The following SOD2 variants were observed in gnomAD, a reference collection of about 807,000 sequenced individuals.
The protein encoded by SOD2 is superoxide dismutase 2.
A neutral mutation model predicts 27.0 loss-of-function variants in SOD2; 11 were observed. That is an observed-to-expected ratio of 0.41 (90% CI 0.26 to 0.67). The LOEUF (loss-of-function observed/expected upper bound fraction) is 0.67. SOD2 is among the 30% of genes least tolerant of loss of function. The pLI is 0.34. For missense variants in SOD2, 250 were observed against 274.5 expected (o/e 0.91, Z 0.63); for synonymous variants, 105 against 103.0 (o/e 1.02, Z -0.12).
chr6:159,705,941 G>A (rs1192704406), intron 1 of SOD2, among the ~76,000 whole-genome samples: 1 of 152,226 alleles, frequency 6.6e-6, no homozygotes, highest in African/African-American at 2.4e-5. Context: ...CTACAAGCCA[G>A]AAGAGAGTGG....
chr6:159,688,877 GCA>G (rs1432048010), intron 2 of SOD2, among the ~76,000 whole-genome samples: 1 of 152,008 alleles, frequency 6.6e-6, no homozygotes, highest in Non-Finnish European at 1.5e-5. Flanking sequence ...CTATATAAAA[GCA>G]CACAGAGAAA....
chr6:159,710,950 AC>A (rs879047099), intron 1 of SOD2, among the ~76,000 whole-genome samples: 2,509 of 116,882 alleles, frequency 0.021, 34 homozygotes, highest in Non-Finnish European at 0.033. Context: ...ACCACCACTC[AC>A]ACTGCTCTGA....
upstream of SOD2, among the ~76,000 whole-genome samples, chr6:159,747,962 A>G (rs1052904707): frequency 6.6e-6 from 1 of 152,188 alleles, no homozygotes. Flanking sequence ...ATGTTTCAAT[A>G]CATATAATGT....
upstream of SOD2, among the ~76,000 whole-genome samples, chr6:159,729,445 T>C (rs965506158): frequency 1.3e-5 from 2 of 152,234 alleles, no homozygotes; most frequent in Non-Finnish European, 2.9e-5. Flanking sequence ...TAACAAGATG[T>C]TCCATCTGAC....
At chr6:159,707,352 C>CAA (rs1172735999) in intron 1 of SOD2, among the ~76,000 whole-genome samples, 2 of 150,462 alleles carry the variant, frequency 1.3e-5, no homozygotes, top group East Asian at 2.0e-4. Flanking sequence ...GGAAAGATCA[C>CAA]AATTGATAGA....
intron 1 of SOD2, chr6:159,760,751 T>C (rs1416933992): frequency 6.6e-6 from 1 of 151,982 alleles, no homozygotes; most frequent in East Asian, 1.9e-4. Context: ...GATGTGAGAG[T>C]AAGCCCACAA....
chr6:159,719,374 T>C (rs1777984946), intron 1 of SOD2, among the ~76,000 whole-genome samples: 1 of 152,036 alleles, frequency 6.6e-6, no homozygotes, highest in Non-Finnish European at 1.5e-5. Context: ...TCTCTACTCA[T>C]GTCTCTAGCT....
chr6:159,754,182 TAA>T (rs1382010365), intron 1 of SOD2, among the ~76,000 whole-genome samples: 1 of 152,252 alleles, frequency 6.6e-6, no homozygotes, highest in Non-Finnish European at 1.5e-5. Flanking sequence ...TTTGAAATTT[TAA>T]ATTGAAAATT....
intron 1 of SOD2, chr6:159,736,111 CTA>C (rs1488003646): frequency 2.4e-6 from 2 of 842,000 alleles, no homozygotes; most frequent in South Asian, 4.0e-5. Flanking sequence ...AAATCTAAAA[CTA>C]TTTTAAAATT....
intron 1 of SOD2, chr6:159,742,250 T>G (rs916688727): frequency 2.0e-6 from 2 of 1,014,038 alleles, no homozygotes; most frequent in African/African-American, 3.3e-5. Flanking sequence ...TTTTCTCGTG[T>G]TTTATTATAA....
At position 159,753,690 on chromosome 6, in the gene SOD2, A is replaced by G. The variant is rs1003535513; in HGVS notation, c.-335-5014T>C. On this transcript the variant is annotated intron_variant, in intron 1 of 7. Coordinates refer to the SOD2 transcript ENST00000546087. ...TTTAAAACTGCCAGTCATGAATATT[A>G]TAGGTTAGATTCTGTACATTGTTAA... is the stretch of plus-strand genomic sequence containing the variant. 3 of 1,502,322 alleles carry G rather than the reference A, an allele frequency of 2.0e-6. No individual in the cohort carries two copies. In the Admixed American group the frequency reaches 6.3e-5, roughly 32 times the overall value. The allele number at this position is 1,502,322 out of a possible 1,614,324, so 93.1% of individuals were successfully genotyped here.
chr6:159,685,129 AG>A, intron 3 of SOD2, 96 bp from the exon 4 acceptor site: 2 of 772,634 alleles, frequency 2.6e-6, no homozygotes, highest in Non-Finnish European at 3.6e-6. Context: ...TTTTTGTCAT[AG>A]GGCCCAAGAA....
At chr6:159,716,095 A>G (rs779545650) in intron 1 of SOD2, among the ~76,000 whole-genome samples, 3 of 152,356 alleles carry the variant, frequency 2.0e-5, no homozygotes, top group South Asian at 4.1e-4. Flanking sequence ...AAAGTGTCAC[A>G]GAAAAACCTA....
At chr6:159,748,521 G>A (rs1583102352), upstream of SOD2, 1 of 1,423,500 alleles carries the variant, frequency 7.0e-7, no homozygotes. This position sits in a 1 kb window ranked among gnomAD's most constrained non-coding sequence, Gnocchi z 5.6. Context: ...GCTTGTAATG[G>A]TTAATGTAAA....
At chr6:159,727,190 G>C in exon 1 of SOD2, 1 of 1,229,292 alleles carries the variant, frequency 8.1e-7, no homozygotes, top group South Asian at 1.4e-5. Context: ...AGGACGGGGA[G>C]TGTTACCGGG....
intron 1 of SOD2, among the ~76,000 whole-genome samples, chr6:159,759,913 T>A (rs1780088645): frequency 6.6e-6 from 1 of 152,220 alleles, no homozygotes; most frequent in South Asian, 2.1e-4. Flanking sequence ...TTCATACTCA[T>A]TCAAATGTGC....
In SOD2 at chr6:159,670,100, T is replaced by C. The variant is rs1300959442; in HGVS notation, c.*12393A>G. ...ACAGCTCACTGTAGACTCCAACTCATGACCTCAAGGGATCCTCCCAACTCA... is the reference window on the plus strand; with the variant it reads ...ACAGCTCACTGTAGACTCCAACTCACGACCTCAAGGGATCCTCCCAACTCA... On this transcript the variant is annotated 3_prime_UTR_variant, in exon 5 of 5. Coordinates refer to ENST00000538183, the MANE Select transcript of SOD2 (RefSeq NM_000636.4). 2 of 152,206 alleles carry C rather than the reference T, an allele frequency of 1.3e-5. No individual in the cohort carries two copies. The highest frequency in any genetic ancestry group is 4.8e-5 in the African/African-American group (2 of 41,442). The allele number at this position is 152,206 out of a possible 1,614,324, so 9.4% of individuals were successfully genotyped here.
At chr6:159,746,727 T>G (rs1779599374), upstream of SOD2, among the ~76,000 whole-genome samples, 1 of 152,218 alleles carries the variant, frequency 6.6e-6, no homozygotes, top group African/African-American at 2.4e-5. Context: ...GGTATTTCTG[T>G]TTTTCATTTA....
chr6:159,726,089 T>C (rs1778160493), intron 1 of SOD2: 1 of 152,278 alleles, frequency 6.6e-6, no homozygotes, highest in African/African-American at 2.4e-5. Flanking sequence ...AGAATAAGGT[T>C]AGGGTTAGAA....
Sources: gnomAD v4.1 joint callset for allele counts (sites outside exome capture counted in the v4.1 genomes callset) on GRCh38, gnomAD v4.1.1 for gene constraint, Gnocchi (gnomAD v3.1) non-coding constraint, MANE v1.5 for transcripts, NCBI Gene and HGNC (gene_info 2026-07-23, HGNC 2026-07-21) for gene names.